Variants in TLN2 observed in about 807,000 individuals in gnomAD.
TLN2 encodes talin-2.
A neutral mutation model predicts 294.7 loss-of-function variants in TLN2; 118 were observed. The ratio of observed to expected loss-of-function variants is 0.40; its 90% CI spans 0.34 to 0.47. The LOEUF (loss-of-function observed/expected upper bound fraction) is 0.47. TLN2 is among the 20% of genes least tolerant of loss of function. TLN2 has a pLI of 0.84. For synonymous variants in TLN2, 1,431 were observed against 1,304.5 expected, an observed-to-expected ratio of 1.10 and a Z score of -2.09; for missense variants, 3,083 against 3,282.2, an observed-to-expected ratio of 0.94 and a Z score of 1.48.
chr15:62,664,857 C>CAAAA lies in TLN2; in HGVS notation c.788+6977_788+6980dup, dbSNP rs10634187. On this transcript the variant is annotated intron_variant, in intron 9 of 58. Transcript: ENST00000636159. ...CTGGGCAACAAGAGGGAAACTGTCT[C>CAAAA]AAAAAAAAAAAAAAAAAAAAAGTGG... Among the ~76,000 whole-genome samples the CAAAA allele has an allele frequency of 9.2e-4, 27 of 29,212 alleles. 4 individuals are homozygous for CAAAA. Among genetic ancestry groups the CAAAA allele is most frequent in the African/African-American group, 3.4e-3 (26 of 7,726 alleles). The allele number at this position is 29,212 out of a possible 152,430, so 19.2% of individuals were successfully genotyped here. A position where few individuals can be genotyped will look rare whatever the true frequency, so the allele number is the denominator to read the frequency against.
intron 40 of TLN2, among the ~76,000 whole-genome samples, chr15:62,765,968 C>A (rs2062974761): frequency 6.6e-6 from 1 of 152,188 alleles, no homozygotes; most frequent in Admixed American, 6.5e-5. Flanking sequence ...CCATTATCTG[C>A]CTGCATTTGG....
chr15:62,503,772 C>T (rs548469122), intron 1 of TLN2, among the ~76,000 whole-genome samples: 4 of 152,270 alleles, frequency 2.6e-5, no homozygotes, highest in East Asian at 1.9e-4. Flanking sequence ...CATTCCTCTC[C>T]GTTCTGTGAG....
intron 1 of TLN2, among the ~76,000 whole-genome samples, chr15:62,395,142 T>C (rs1241971128): frequency 2.1e-5 from 3 of 145,658 alleles, no homozygotes; most frequent in Middle Eastern, 3.8e-3. Flanking sequence ...TGAGAAGACA[T>C]CCCCTGCCCT....
intron 3 of TLN2, chr15:62,644,467 T>A (rs969245168): frequency 4.4e-6 from 2 of 455,406 alleles, no homozygotes; most frequent in South Asian, 3.1e-5. Context: ...CATCTTTGCG[T>A]TCAATTCTAT....
chr15:62,679,236 T>C (rs538392455), intron 11 of TLN2, among the ~76,000 whole-genome samples: 3 of 152,274 alleles, frequency 2.0e-5, no homozygotes, highest in Middle Eastern at 3.4e-3. Context: ...TGATTAAACA[T>C]AGAAATACCG....
chr15:62,399,058 A>C (rs1398236984), intron 1 of TLN2, among the ~76,000 whole-genome samples: 2 of 152,016 alleles, frequency 1.3e-5, no homozygotes, highest in East Asian at 3.9e-4. Flanking sequence ...CAAGGGGCCA[A>C]AGTACAGCTT....
At chr15:62,721,476 A>G (rs1259810724) in intron 25 of TLN2, among the ~76,000 whole-genome samples, 1 of 152,100 alleles carries the variant, frequency 6.6e-6, no homozygotes, top group African/African-American at 2.4e-5. Context: ...TGTGCTTTTT[A>G]TATACTCATG....
At chr15:62,733,363 G>T (rs1204253998) in intron 28 of TLN2, among the ~76,000 whole-genome samples, 3 of 152,190 alleles carry the variant, frequency 2.0e-5, no homozygotes, top group African/African-American at 2.4e-5. Flanking sequence ...GAAAGAGAGA[G>T]CGTGTGTGGA....
At chr15:62,425,658 T>C (rs544016131) in intron 1 of TLN2, among the ~76,000 whole-genome samples, 1 of 152,344 alleles carries the variant, frequency 6.6e-6, no homozygotes, top group African/African-American at 2.4e-5. Flanking sequence ...AATTGTGTTC[T>C]GTTGTATGAG....
At chr15:62,803,906 G>T (rs1185561882) in intron 50 of TLN2, among the ~76,000 whole-genome samples, 1 of 152,162 alleles carries the variant, frequency 6.6e-6, no homozygotes, top group African/African-American at 2.4e-5. Flanking sequence ...TTCACAGTCT[G>T]GGCTTGTTTG....
chr15:62,465,382 C>G (rs1274493925), intron 1 of TLN2, among the ~76,000 whole-genome samples: 1 of 152,120 alleles, frequency 6.6e-6, no homozygotes, highest in Non-Finnish European at 1.5e-5. Context: ...CCGACTCTTT[C>G]AGAGAACGAG....
chr15:62,657,257 C>T (rs2053331036), intron 8 of TLN2, among the ~76,000 whole-genome samples: 1 of 152,038 alleles, frequency 6.6e-6, no homozygotes, highest in South Asian at 2.1e-4. Flanking sequence ...GTCATTTCCC[C>T]TGCTGTCTTG....
chr15:62,419,228 TTAAA>T (rs1490290349), intron 1 of TLN2, among the ~76,000 whole-genome samples: 2 of 152,238 alleles, frequency 1.3e-5, no homozygotes, highest in Non-Finnish European at 2.9e-5. Context: ...ATATATTGAG[TTAAA>T]TAAAATATAT....
chr15:62,513,260 G>A (rs934813786), intron 1 of TLN2, among the ~76,000 whole-genome samples: 7 of 152,096 alleles, frequency 4.6e-5, no homozygotes, highest in Non-Finnish European at 7.3e-5. Flanking sequence ...CTTTTCCTTT[G>A]CTTGCTGTGC....
intron 1 of TLN2, among the ~76,000 whole-genome samples, chr15:62,404,351 AT>A: frequency 6.6e-6 from 1 of 152,126 alleles, no homozygotes. Flanking sequence ...AAGATGATAA[AT>A]GGACTTGTCT....
intron 3 of TLN2, among the ~76,000 whole-genome samples, chr15:62,632,523 C>T (rs2050001301): frequency 6.6e-6 from 1 of 152,214 alleles, no homozygotes; most frequent in South Asian, 2.1e-4. Context: ...CAGGACTCCT[C>T]TCTCACAGGC....
intron 12 of TLN2, among the ~76,000 whole-genome samples, chr15:62,691,074 A>G (rs1380522088): frequency 1.4e-5 from 2 of 147,966 alleles, no homozygotes; most frequent in Non-Finnish European, 3.0e-5. Context: ...GGGGAGGGGT[A>G]TGGGCTTCTT....
intron 2 of TLN2, among the ~76,000 whole-genome samples, chr15:62,613,758 G>C (rs370875139): frequency 6.7e-6 from 1 of 149,784 alleles, no homozygotes; most frequent in African/African-American, 2.5e-5. Context: ...AGGGGACTAA[G>C]ACTAAGCATG....
intron 1 of TLN2, among the ~76,000 whole-genome samples, chr15:62,507,390 C>T (rs1173767198): frequency 2.6e-5 from 4 of 152,188 alleles, no homozygotes; most frequent in East Asian, 1.9e-4. Context: ...GCCCACCTCC[C>T]GCAACCGAGT....
Sources: allele counts gnomAD v4.1 joint callset (sites outside exome capture counted in the v4.1 genomes callset), GRCh38; gene constraint gnomAD v4.1.1; transcripts MANE v1.5; gene names NCBI Gene and HGNC (gene_info 2026-07-23, HGNC 2026-07-21).